Variants in CCDC39 observed in about 807,000 individuals in gnomAD.
CCDC39 encodes coiled-coil domain 39 molecular ruler complex subunit, also known as coiled-coil domain-containing protein 39.
In CCDC39, 113 loss-of-function variants were observed where a neutral mutation model predicts 121.0. The ratio of observed to expected loss-of-function variants is 0.93; its 90% CI spans 0.80 to 1.09. The LOEUF (loss-of-function observed/expected upper bound fraction) is 1.09, where lower values mean the gene tolerates loss of function less well. Ranked by LOEUF, CCDC39 falls within the 50% of genes least tolerant of loss-of-function variation. The pLI is 0.00. For synonymous variants in CCDC39, 349 were observed against 352.2 expected (o/e 0.99, Z 0.10); for missense variants, 1,063 against 1,074.7 (o/e 0.99, Z 0.15).
intron 2 of CCDC39, among the ~76,000 whole-genome samples, chr3:180,663,377 C>T (rs1442320728): frequency 6.6e-6 from 1 of 152,176 alleles, no homozygotes; most frequent in African/African-American, 2.4e-5. Context: ...ATAATGATTT[C>T]TCCTTTCATA....
chr3:180,624,183 GTCT>G (rs1275682163), intron 14 of CCDC39, among the ~76,000 whole-genome samples: 2 of 151,892 alleles, frequency 1.3e-5, no homozygotes, highest in African/African-American at 2.4e-5. Flanking sequence ...AACCTTCTTT[GTCT>G]TCTTTTACTG....
chr3:180,672,437 T>C (rs1712075590), intron 1 of CCDC39, among the ~76,000 whole-genome samples: 1 of 152,000 alleles, frequency 6.6e-6, no homozygotes, highest in Non-Finnish European at 1.5e-5. Flanking sequence ...CTACTAAAAA[T>C]ACAAAAATTA....
At chr3:180,621,951 C>A (rs978324367) in intron 14 of CCDC39, among the ~76,000 whole-genome samples, 4 of 152,032 alleles carry the variant, frequency 2.6e-5, no homozygotes, top group African/African-American at 9.7e-5. Context: ...TGTTCTAATT[C>A]TGTGAAAAAT....
chr3:180,631,996 G>T (rs890000661), intron 13 of CCDC39, among the ~76,000 whole-genome samples: 2 of 152,076 alleles, frequency 1.3e-5, no homozygotes. Flanking sequence ...TGTTTGACTG[G>T]CTCCCCTTGC....
chr3:180,631,058 T>G (rs1022696315), intron 14 of CCDC39, among the ~76,000 whole-genome samples: 9 of 151,922 alleles, frequency 5.9e-5, no homozygotes, highest in African/African-American at 1.9e-4. Flanking sequence ...ACACTTAGAG[T>G]GATAATAGGT....
intron 3 of CCDC39, 27 bp downstream of exon 3, chr3:180,661,834 A>G: frequency 6.4e-7 from 1 of 1,552,438 alleles, no homozygotes; most frequent in Non-Finnish European, 8.7e-7. Flanking sequence ...AGTAGCACAG[A>G]ATTTTAAGTA....
intron 7 of CCDC39, 39 bp from the exon 8 acceptor site, chr3:180,652,305 C>T: frequency 8.5e-7 from 1 of 1,180,672 alleles, no homozygotes; most frequent in Non-Finnish European, 1.2e-6. Context: ...TATATTTACT[C>T]TGTATCTTAT....
intron 13 of CCDC39, among the ~76,000 whole-genome samples, chr3:180,632,531 G>A (rs933772991): frequency 6.6e-5 from 10 of 151,970 alleles, no homozygotes; most frequent in Non-Finnish European, 1.5e-4. Flanking sequence ...CATTTCCTCA[G>A]AAAATATTTA....
At chr3:180,660,911 T>C (rs1412801541) in intron 3 of CCDC39, among the ~76,000 whole-genome samples, 183 bp from the exon 4 acceptor site, 2 of 152,044 alleles carry the variant, frequency 1.3e-5, no homozygotes, top group Non-Finnish European at 2.9e-5. Flanking sequence ...ATATAGCTTG[T>C]ATCTTAATTC....
chr3:180,656,584 A>G (rs1711585696), intron 6 of CCDC39, among the ~76,000 whole-genome samples: 1 of 152,186 alleles, frequency 6.6e-6, no homozygotes, highest in Non-Finnish European at 1.5e-5. Context: ...GAAGAGGAGC[A>G]GCGTTAACAT....
chr3:180,615,496 T>TG (rs1485413659), intron 19 of CCDC39, among the ~76,000 whole-genome samples: 1 of 152,122 alleles, frequency 6.6e-6, no homozygotes, highest in Admixed American at 6.6e-5. Flanking sequence ...GATAAAGTGG[T>TG]GGGGTCATTT....
At chr3:180,661,738 G>GT in intron 3 of CCDC39, 123 bp downstream of exon 3, 1 of 789,770 alleles carries the variant, frequency 1.3e-6, no homozygotes. Context: ...CAAAAAATAC[G>GT]TAAGTAAACA....
chr3:180,653,317 C>T (rs1276159023), intron 7 of CCDC39, among the ~76,000 whole-genome samples: 1 of 152,174 alleles, frequency 6.6e-6, no homozygotes, highest in East Asian at 1.9e-4. Flanking sequence ...CTTGGACTGA[C>T]ACTACCCTAA....
At chr3:180,649,618 T>C (rs1347623384) in intron 9 of CCDC39, among the ~76,000 whole-genome samples, 1 of 152,168 alleles carries the variant, frequency 6.6e-6, no homozygotes, top group Non-Finnish European at 1.5e-5. Context: ...AATAACACAG[T>C]ACATCTCCAA....
rs576285068 is a variant in CCDC39 at position 180,628,030 on chromosome 3, T to C, written c.1998+3439A>G. Among the ~76,000 whole-genome samples, 4 of 152,244 alleles carry C rather than the reference T, an allele frequency of 2.6e-5. No individual in the cohort carries two copies. The East Asian group carries it at 5.8e-4, about 22-fold the overall frequency. On this transcript the variant is annotated intron_variant, in intron 14 of 19. Coordinates refer to ENST00000476379, the MANE Select transcript of CCDC39 (RefSeq NM_181426.2). ...TGAAGAGACACAGGAAGGAACACCA[T>C]GTAAAGATGAAGGCAGATTTCAGGG... is the stretch of plus-strand genomic sequence containing the variant.
intron 7 of CCDC39, 112 bp downstream of exon 7, chr3:180,654,650 A>AT (rs1711540096): frequency 7.2e-6 from 5 of 691,720 alleles, no homozygotes; most frequent in Non-Finnish European, 1.1e-5. Context: ...AAAAGGAAAA[A>AT]AAAAAAAAAC....
chr3:180,654,639 A>T, intron 7 of CCDC39, 123 bp downstream of exon 7: 1 of 592,376 alleles, frequency 1.7e-6, no homozygotes, highest in Non-Finnish European at 2.6e-6. Flanking sequence ...AAAAAAAAAG[A>T]AAAAGGAAAA....
chr3:180,648,062 A>T, intron 10 of CCDC39, 103 bp downstream of exon 10: 1 of 933,300 alleles, frequency 1.1e-6, no homozygotes. Context: ...TCTGTCCTCC[A>T]CAAAAGGGCT....
At chr3:180,664,142 T>C (rs1339696074) in intron 1 of CCDC39, among the ~76,000 whole-genome samples, 156 bp from the exon 2 acceptor site, 1 of 152,200 alleles carries the variant, frequency 6.6e-6, no homozygotes, top group Non-Finnish European at 1.5e-5. Context: ...TTAAACAAAA[T>C]TTAATTTGAT....
Sources: allele counts gnomAD v4.1 joint callset (sites outside exome capture counted in the v4.1 genomes callset), GRCh38; gene constraint gnomAD v4.1.1; transcripts MANE v1.5; gene names NCBI Gene and HGNC (gene_info 2026-07-23, HGNC 2026-07-21).